The following MAPK8IP3 variants were observed in gnomAD, a reference collection of about 807,000 sequenced individuals.
MAPK8IP3 encodes C-Jun-amino-terminal kinase-interacting protein 3.
Under a neutral mutation model 157.8 loss-of-function variants are expected in MAPK8IP3, and 49 were observed. That is an observed-to-expected ratio of 0.31 (90% CI 0.25 to 0.39). The LOEUF (loss-of-function observed/expected upper bound fraction) is 0.39, where lower values mean the gene tolerates loss of function less well. Ranked by LOEUF, MAPK8IP3 falls within the 10% of genes least tolerant of loss-of-function variation. The pLI, the probability that MAPK8IP3 is intolerant of heterozygous loss-of-function variation, is 1.00. For synonymous variants in MAPK8IP3, 897 were observed against 777.7 expected (o/e 1.15, Z -2.55); for missense variants, 1,478 against 1,889.4 (o/e 0.78, Z 4.04).
At chr16:1,714,606 C>T (rs1222500998) in intron 1 of MAPK8IP3, among the ~76,000 whole-genome samples, 1 of 152,196 alleles carries the variant, frequency 6.6e-6, no homozygotes, top group Non-Finnish European at 1.5e-5. Flanking sequence ...GAGTTTGGGG[C>T]TCCTGTTCCC....
Position 1,765,060 on chromosome 16 carries a change from C to A in MAPK8IP3, c.2328C>A (p.Ile776=), listed in dbSNP as rs770439041. The A allele has an allele frequency of 3.1e-6, 5 of 1,612,418 alleles. No individual in the cohort carries two copies. The East Asian group carries it at 1.1e-4, about 36-fold the overall frequency. The stretch of plus-strand genomic sequence containing the variant: ...ACGCCACCTCCAGCCGGGTGTGGAT[C>A]CTGACCAGCACCCTGACCACCAGCA... ...EMDATSSRVW[I]LTSTLTTSKV... is the part of the protein sequence containing the mutation. Residue 776 remains isoleucine, a synonymous_variant, in exon 20 of 32, where the codon ATC becomes ATA. Coordinates refer to ENST00000610761, the MANE Select transcript of MAPK8IP3 (RefSeq NM_001318852.2).
chr16:1,741,211 T>G lies in MAPK8IP3; in HGVS notation c.603-2121T>G, dbSNP rs1210058294. 1.3e-5 allele frequency among the ~76,000 whole-genome samples: 2 copies of G among 151,276 alleles called. No individual in the cohort carries two copies. Among genetic ancestry groups the G allele is most frequent in the Non-Finnish European group, 2.9e-5 (2 of 67,862 alleles). On this transcript the variant is annotated intron_variant, in intron 4 of 31. Transcript: ENST00000610761. This position sits in a 1 kb window ranked among gnomAD's most constrained non-coding sequence, Gnocchi z 6.9. ...CCGAGGGTGGCGTGACCCCTGGGGG[T>G]GGTGGTCTCTGAACTAGGGAGCATC... is the stretch of plus-strand genomic sequence containing the variant.
At chr16:1,764,935 T>G in intron 19 of MAPK8IP3, 78 bp from the exon 20 acceptor site, 1 of 1,423,268 alleles carries the variant, frequency 7.0e-7, no homozygotes, top group South Asian at 1.3e-5. Flanking sequence ...TGACAGATTC[T>G]GGGAGCCCCA....
chr16:1,708,103 A>G (rs562715354), intron 1 of MAPK8IP3: 14 of 152,374 alleles, frequency 9.2e-5, no homozygotes, highest in African/African-American at 3.4e-4. Context: ...ACCTAAGGGA[A>G]CGCAAAGGTT....
At chr16:1,757,092 CA>C (rs1472832919) in intron 8 of MAPK8IP3, among the ~76,000 whole-genome samples, 1 of 152,100 alleles carries the variant, frequency 6.6e-6, no homozygotes, top group Non-Finnish European at 1.5e-5. Flanking sequence ...GCCGTTTTGT[CA>C]TCTAAATCAA....
chr16:1,762,976 G>A lies in MAPK8IP3; in HGVS notation c.1868G>A (p.Gly623Asp). ...CATGCCATGTGCCCGATCTCGGCAG[G>A]CAGCCGGCCCCTGGAATTCTTCCCT... ...RNHAMCPISA[G>D]SRPLEFFPDD... The change falls in exon 16 of 32, where the codon GGC becomes GAC. Residue 623 changes from glycine to aspartate, a missense_variant. Coordinates refer to ENST00000610761, the MANE Select transcript of MAPK8IP3 (RefSeq NM_001318852.2). The A allele has an allele frequency of 1.2e-6, 2 of 1,612,882 alleles. No individual in the cohort carries two copies. Among genetic ancestry groups the A allele is most frequent in the Non-Finnish European group, 1.7e-6 (2 of 1,179,982 alleles).
At chr16:1,757,203 T>G (rs1365254023) in intron 8 of MAPK8IP3, among the ~76,000 whole-genome samples, 2 of 152,112 alleles carry the variant, frequency 1.3e-5, no homozygotes, top group East Asian at 1.9e-4. Flanking sequence ...CCTCCCGGGT[T>G]CAGCCACTCT....
At chr16:1,760,289 C>T (rs1481953615) in intron 11 of MAPK8IP3, 91 bp from the exon 12 acceptor site, 1 of 1,496,672 alleles carries the variant, frequency 6.7e-7, no homozygotes, top group East Asian at 2.3e-5. Context: ...TGTGCCTTCT[C>T]CAGGGCGGAA....
In MAPK8IP3 at chr16:1,706,785, C is replaced by T; in HGVS notation, c.318+128C>T. 9.4e-7 allele frequency: 1 copy of T among 1,063,092 alleles called. No homozygotes were observed. Among genetic ancestry groups the T allele is most frequent in the Non-Finnish European group, 1.3e-6 (1 of 773,518 alleles). The allele number at this position is 1,063,092 out of a possible 1,614,324, so 65.9% of individuals were successfully genotyped here. ...CCCCGGACCGCGGGACCCCTGGACC[C>T]CCAGACCCCGCCCCGAGACCCGCCT... On this transcript the variant is annotated intron_variant, in intron 1 of 31. Coordinates refer to ENST00000610761, the MANE Select transcript of MAPK8IP3 (RefSeq NM_001318852.2). The surrounding 1 kb of genome is among the most constrained non-coding windows in gnomAD (Gnocchi z 5.1).
At chr16:1,757,760 C>T (rs1411212617) in intron 8 of MAPK8IP3, among the ~76,000 whole-genome samples, 4 of 152,234 alleles carry the variant, frequency 2.6e-5, no homozygotes, top group Non-Finnish European at 5.9e-5. Flanking sequence ...CCCTCGCCCA[C>T]GCTGGGGGGC....
chr16:1,727,768 G>A (rs1246242405), intron 2 of MAPK8IP3, among the ~76,000 whole-genome samples: 1 of 152,184 alleles, frequency 6.6e-6, no homozygotes, highest in Non-Finnish European at 1.5e-5. Context: ...GCTTCCCTGG[G>A]TGCCTGGTAG....
intron 2 of MAPK8IP3, among the ~76,000 whole-genome samples, chr16:1,728,415 T>C (rs900858222): frequency 2.6e-5 from 4 of 152,230 alleles, no homozygotes; most frequent in African/African-American, 9.6e-5. Context: ...CGCAAGCTTC[T>C]TGTGCACCTG....
chr16:1,753,003 T>A (rs1244900583), intron 8 of MAPK8IP3, among the ~76,000 whole-genome samples: 1 of 152,172 alleles, frequency 6.6e-6, no homozygotes, highest in African/African-American at 2.4e-5. Context: ...CTTGTGTGGC[T>A]GCCAAGCAGG....
At chr16:1,740,493 G>A (rs1422941761) in intron 4 of MAPK8IP3, among the ~76,000 whole-genome samples, 3 of 152,162 alleles carry the variant, frequency 2.0e-5, no homozygotes, top group Non-Finnish European at 4.4e-5. Flanking sequence ...CTGTGTGACC[G>A]TCCATATGAG....
intron 4 of MAPK8IP3, among the ~76,000 whole-genome samples, chr16:1,738,123 C>T (rs1253825660): frequency 4.3e-5 from 3 of 69,780 alleles, no homozygotes; most frequent in Admixed American, 1.8e-4. Flanking sequence ...TCCGTGTGAG[C>T]GTGACTGTCC....
At chr16:1,725,310 G>GC (rs1381647586) in intron 2 of MAPK8IP3, among the ~76,000 whole-genome samples, 2 of 151,190 alleles carry the variant, frequency 1.3e-5, no homozygotes, top group African/African-American at 4.9e-5. Context: ...TGCCGTGTGG[G>GC]CACACAGAGA....
At chr16:1,738,559 CGT>C (rs1231175637) in intron 4 of MAPK8IP3, among the ~76,000 whole-genome samples, 8 of 109,116 alleles carry the variant, frequency 7.3e-5, no homozygotes, top group East Asian at 2.9e-4. Context: ...TCCGTGTGAG[CGT>C]GTGAGCATCC....
At position 1,710,316 on chromosome 16, in the gene MAPK8IP3, A is replaced by T. The variant is rs1273746228; in HGVS notation, c.318+3659A>T. On this transcript the variant is annotated intron_variant, in intron 1 of 31. Coordinates refer to ENST00000610761, the MANE Select transcript of MAPK8IP3 (RefSeq NM_001318852.2). The surrounding 1 kb of genome is among the most constrained non-coding windows in gnomAD (Gnocchi z 4.1). Reference sequence around the variant, plus strand: ...TGTCTCTACTAAAGAAAAAAAAAAGAAAAAAAAATTAGCCAGGTGTGGCGG... The same window carrying T: ...TGTCTCTACTAAAGAAAAAAAAAAGTAAAAAAAATTAGCCAGGTGTGGCGG... 6.6e-6 allele frequency among the ~76,000 whole-genome samples: 1 copy of T among 151,318 alleles called. No homozygotes were observed. The highest frequency in any genetic ancestry group is 2.4e-5 in the African/African-American group (1 of 41,150).
intron 4 of MAPK8IP3, among the ~76,000 whole-genome samples, chr16:1,735,588 T>A (rs1421823112): frequency 1.5e-5 from 2 of 137,530 alleles, no homozygotes; most frequent in African/African-American, 6.4e-5. Flanking sequence ...CGTGTGACCA[T>A]CCGTGTGAGC....
Sources: gnomAD v4.1 joint callset for allele counts (sites outside exome capture counted in the v4.1 genomes callset) on GRCh38, gnomAD v4.1.1 for gene constraint, Gnocchi (gnomAD v3.1) non-coding constraint, MANE v1.5 for transcripts, NCBI Gene and HGNC (gene_info 2026-07-23, HGNC 2026-07-21) for gene names.